The following CFAP77 variants were observed in gnomAD, a reference collection of about 807,000 sequenced individuals.
The protein encoded by CFAP77 is cilia and flagella associated protein 77.
A neutral mutation model predicts 31.1 loss-of-function variants in CFAP77; 25 were observed. The ratio of observed to expected loss-of-function variants is 0.80; its 90% CI spans 0.59 to 1.12. The LOEUF is 1.12. Among genes scored for constraint, CFAP77 ranks in the 50% most tolerant of loss-of-function variants. CFAP77 has a pLI of 0.00. For synonymous variants in CFAP77, 151 were observed against 159.9 expected (o/e 0.94, Z 0.42); for missense variants, 377 against 397.3 (o/e 0.95, Z 0.44).
intron 1 of CFAP77, among the ~76,000 whole-genome samples, chr9:132,459,527 ATGTG>A (rs1312685800): frequency 7.0e-6 from 1 of 142,208 alleles, no homozygotes; most frequent in Admixed American, 7.1e-5. Flanking sequence ...AGGTGGGTGT[ATGTG>A]TGAGTGTGTG....
intron 5 of CFAP77, among the ~76,000 whole-genome samples, chr9:132,560,767 C>T (rs1852982495): frequency 1.3e-5 from 2 of 152,268 alleles, no homozygotes; most frequent in Admixed American, 6.5e-5. Context: ...GGTCCCCCGC[C>T]CCATCCCCTC....
At chr9:132,478,263 T>C (rs1564219118) in intron 1 of CFAP77, among the ~76,000 whole-genome samples, 1 of 152,132 alleles carries the variant, frequency 6.6e-6, no homozygotes, top group Admixed American at 6.5e-5. Flanking sequence ...CTGAGTTCTG[T>C]GGGTCCTTCT....
intron 3 of CFAP77, among the ~76,000 whole-genome samples, chr9:132,509,523 C>A (rs1490349468): frequency 9.8e-5 from 15 of 152,330 alleles, no homozygotes; most frequent in African/African-American, 1.2e-4. Flanking sequence ...AATCCCGTCA[C>A]TTTGGGAGGC....
chr9:132,449,611 A>C (rs1850789001), intron 1 of CFAP77, among the ~76,000 whole-genome samples: 3 of 152,198 alleles, frequency 2.0e-5, no homozygotes, highest in African/African-American at 7.2e-5. Flanking sequence ...GGTTGCTCCC[A>C]GTTTAAGGCT....
intron 3 of CFAP77, among the ~76,000 whole-genome samples, chr9:132,512,808 G>A (rs1312828247): frequency 1.3e-5 from 2 of 152,202 alleles, no homozygotes; most frequent in African/African-American, 2.4e-5. Flanking sequence ...TCAGCCAAGC[G>A]TGGTGGCAGG....
chr9:132,412,909 A>G (rs991767071), intron 1 of CFAP77, among the ~76,000 whole-genome samples: 1 of 152,132 alleles, frequency 6.6e-6, no homozygotes, highest in Non-Finnish European at 1.5e-5. Flanking sequence ...CAGTTTCACC[A>G]TCATAGATTT....
At position 132,554,408 on chromosome 9, in the gene CFAP77, A is replaced by G. The variant is rs1341524494; in HGVS notation, c.732+11361A>G. ...GTCACCCAGGCTGGAGCACAGTGGCACAATCACAGCCTCAACTTCCTAGGC... is the reference window on the plus strand; with the variant it reads ...GTCACCCAGGCTGGAGCACAGTGGCGCAATCACAGCCTCAACTTCCTAGGC... On this transcript the variant is annotated intron_variant, in intron 5 of 5. Coordinates refer to ENST00000393216, the MANE Select transcript of CFAP77 (RefSeq NM_001282957.2). The surrounding 1 kb of genome is among the most constrained non-coding windows in gnomAD (Gnocchi z 4.1). Among the ~76,000 whole-genome samples the G allele has an allele frequency of 6.6e-6, 1 of 151,768 alleles. No homozygotes were observed. Among genetic ancestry groups the G allele is most frequent in the Non-Finnish European group, 1.5e-5 (1 of 67,964 alleles).
intron 3 of CFAP77, among the ~76,000 whole-genome samples, chr9:132,502,496 C>T (rs992876403): frequency 4.6e-5 from 7 of 152,136 alleles, no homozygotes; most frequent in African/African-American, 1.7e-4. Flanking sequence ...ACAAACGCCC[C>T]AGCCCCTGGC....
intron 1 of CFAP77, among the ~76,000 whole-genome samples, chr9:132,453,751 G>C (rs1850869952): frequency 6.6e-6 from 1 of 152,104 alleles, no homozygotes; most frequent in Admixed American, 6.6e-5. Context: ...TGGATTCTTG[G>C]GTAGGAGTCA....
chr9:132,463,576 A>G (rs1851099061), intron 1 of CFAP77, among the ~76,000 whole-genome samples: 2 of 152,122 alleles, frequency 1.3e-5, no homozygotes, highest in African/African-American at 4.8e-5. Context: ...TAGAGGAGGG[A>G]GCCTGGCCCC....
At chr9:132,460,549 T>C (rs1851029935) in intron 1 of CFAP77, among the ~76,000 whole-genome samples, 1 of 152,070 alleles carries the variant, frequency 6.6e-6, no homozygotes, top group Admixed American at 6.5e-5. Flanking sequence ...TTACAGGAAA[T>C]ATCTAGAATA....
At chr9:132,566,753 C>T (rs1229401121) in intron 5 of CFAP77, among the ~76,000 whole-genome samples, 1 of 152,190 alleles carries the variant, frequency 6.6e-6, no homozygotes, top group Non-Finnish European at 1.5e-5. Flanking sequence ...TGGTTTTCGC[C>T]TCCAGACTCC....
intron 1 of CFAP77, among the ~76,000 whole-genome samples, chr9:132,484,185 G>A (rs542032706): frequency 1.3e-5 from 2 of 152,084 alleles, no homozygotes; most frequent in African/African-American, 2.4e-5. Flanking sequence ...TGATCTGCCC[G>A]CCTCAGCCTC....
chr9:132,519,310 G>GAAT (rs1852205252), intron 3 of CFAP77, among the ~76,000 whole-genome samples: 1 of 150,100 alleles, frequency 6.7e-6, no homozygotes, highest in Non-Finnish European at 1.5e-5. Context: ...ATGGATGGAT[G>GAAT]GGTGGGTGAA....
intron 1 of CFAP77, among the ~76,000 whole-genome samples, chr9:132,438,199 CAAAAAAAAAAAAA>C (rs954482789): frequency 4.2e-5 from 2 of 47,888 alleles, no homozygotes; most frequent in African/African-American, 1.5e-4. Context: ...GAGACGCCAT[CAAAAAAAAAAAAA>C]AAAAAAAAAG....
chr9:132,485,985 C>CATATATATATATATAT (rs61265124), intron 1 of CFAP77, among the ~76,000 whole-genome samples: 1 of 53,574 alleles, frequency 1.9e-5, no homozygotes. Context: ...ACACACACCT[C>CATATATATATATATAT]ATATATATAT....
chr9:132,526,142 A>G (rs1001943926), intron 3 of CFAP77, among the ~76,000 whole-genome samples: 1 of 152,230 alleles, frequency 6.6e-6, no homozygotes, highest in Admixed American at 6.5e-5. Flanking sequence ...TTTTTAGGTC[A>G]ACCTAAGCTT....
intron 1 of CFAP77, among the ~76,000 whole-genome samples, chr9:132,412,593 G>T (rs915936719): frequency 6.6e-5 from 10 of 151,370 alleles, no homozygotes; most frequent in African/African-American, 1.9e-4. Flanking sequence ...TTTTTTTTGG[G>T]TTTTTTTGTT....
At chr9:132,538,995 G>A (rs901194477) in intron 4 of CFAP77, among the ~76,000 whole-genome samples, 1 of 152,090 alleles carries the variant, frequency 6.6e-6, no homozygotes, top group Non-Finnish European at 1.5e-5. Flanking sequence ...GCTGAGGCAA[G>A]AGAGTTGCTT....
Sources: allele counts gnomAD v4.1 joint callset (sites outside exome capture counted in the v4.1 genomes callset), GRCh38; gene constraint gnomAD v4.1.1; non-coding constraint Gnocchi (gnomAD v3.1); transcripts MANE v1.5; gene names NCBI Gene and HGNC (gene_info 2026-07-23, HGNC 2026-07-21).